PTAR1: variants seen among roughly 807,000 people sequenced by gnomAD.
PTAR1 encodes protein prenyltransferase alpha subunit repeat containing 1.
In PTAR1, 17 loss-of-function variants were observed where a neutral mutation model predicts 45.5. The ratio of observed to expected loss-of-function variants is 0.37; its 90% CI spans 0.26 to 0.56. The LOEUF is 0.56. Among genes scored for constraint, PTAR1 ranks in the 20% least tolerant of loss-of-function variants. The pLI is 0.77. For synonymous variants in PTAR1, 169 were observed against 171.3 expected, an observed-to-expected ratio of 0.99 and a Z score of 0.11; for missense variants, 391 against 476.3, an observed-to-expected ratio of 0.82 and a Z score of 1.67.
At chr9:69,750,701 G>A (rs2134163488) in intron 2 of PTAR1, 80 bp downstream of exon 2, 4 of 981,502 alleles carry the variant, frequency 4.1e-6, no homozygotes, top group Non-Finnish European at 5.8e-6. Context: ...CAGGAATGCT[G>A]ACACTCAGAG....
chr9:69,725,521 T>C (rs890902669), intron 5 of PTAR1, among the ~76,000 whole-genome samples: 14 of 151,444 alleles, frequency 9.2e-5, no homozygotes, highest in Non-Finnish European at 1.8e-4. Context: ...ACCTGGGAGG[T>C]ATAGGTTGCA....
At chr9:69,757,036 A>T (rs1266785538) in intron 1 of PTAR1, 1 of 152,254 alleles carries the variant, frequency 6.6e-6, no homozygotes, top group East Asian at 1.9e-4. Flanking sequence ...CCACCATTAC[A>T]GAAATTTCTG....
intron 3 of PTAR1, among the ~76,000 whole-genome samples, chr9:69,741,178 A>G (rs894217556): frequency 6.6e-6 from 1 of 152,176 alleles, no homozygotes; most frequent in Admixed American, 6.5e-5. Context: ...AAAACCATCT[A>G]TATGTTAGTA....
intron 5 of PTAR1, among the ~76,000 whole-genome samples, chr9:69,728,572 T>C (rs1017855376): frequency 6.6e-6 from 1 of 152,176 alleles, no homozygotes; most frequent in Non-Finnish European, 1.5e-5. Context: ...TCCCTAATAG[T>C]AAAGATGGTG....
intron 1 of PTAR1, among the ~76,000 whole-genome samples, chr9:69,754,122 A>ACTTCTGTGACTTCTGTGTCTCATCC (rs1826654546): frequency 6.6e-6 from 1 of 152,190 alleles, no homozygotes; most frequent in Non-Finnish European, 1.5e-5. Flanking sequence ...AGTGTGTTTG[A>ACTTCTGTGACTTCTGTGTCTCATCC]CTTCAGACTT....
At chr9:69,747,701 T>C (rs1490959835) in intron 2 of PTAR1, among the ~76,000 whole-genome samples, 2 of 152,146 alleles carry the variant, frequency 1.3e-5, no homozygotes, top group African/African-American at 4.8e-5. Flanking sequence ...TAGAAAGTTG[T>C]ATACTCAACC....
chr9:69,750,136 GAA>G (rs1403857342), intron 2 of PTAR1, among the ~76,000 whole-genome samples: 1 of 151,696 alleles, frequency 6.6e-6, no homozygotes, highest in African/African-American at 2.4e-5. Context: ...AGAACACCAA[GAA>G]AAGAGACCAG....
intron 3 of PTAR1, among the ~76,000 whole-genome samples, chr9:69,738,277 C>T (rs777705762): frequency 2.8e-4 from 43 of 152,326 alleles, no homozygotes; most frequent in South Asian, 4.1e-4. Context: ...CATGTGCTAT[C>T]AACATGACTT....
At chr9:69,738,180 T>C (rs1389249407) in intron 3 of PTAR1, among the ~76,000 whole-genome samples, 1 of 152,192 alleles carries the variant, frequency 6.6e-6, no homozygotes, top group Admixed American at 6.5e-5. Flanking sequence ...TTGTATAATG[T>C]TTTTCTCATC....
At position 69,717,157 on chromosome 9, in the gene PTAR1, C is replaced by T. The variant is rs1824759538; in HGVS notation, c.*1185G>A. 6.6e-6 allele frequency: 1 copy of T among 152,142 alleles called. No individual in the cohort carries two copies. Among genetic ancestry groups the T allele is most frequent in the Non-Finnish European group, 1.5e-5 (1 of 68,028 alleles). The allele number at this position is 152,142 out of a possible 1,614,324, so 9.4% of individuals were successfully genotyped here. A position where few individuals can be genotyped will look rare whatever the true frequency, so the allele number is the denominator to read the frequency against. ...GTGTTTTGTTTTGCACATACTATTC[C>T]TTCCCTTGGCATTTGCCAGTAAACT... On this transcript the variant is annotated 3_prime_UTR_variant, in exon 8 of 8. Coordinates refer to ENST00000340434, the MANE Select transcript of PTAR1 (RefSeq NM_001099666.2).
In PTAR1 at chr9:69,712,959, A is replaced by C. The variant is rs1417268976; in HGVS notation, c.*5383T>G. 1 of 152,076 alleles carries C rather than the reference A, an allele frequency of 6.6e-6. No individual in the cohort carries two copies. The highest frequency in any genetic ancestry group is 1.9e-4 in the East Asian group (1 of 5,198). The allele number at this position is 152,076 out of a possible 1,614,324, so 9.4% of individuals were successfully genotyped here. A position where few individuals can be genotyped will look rare whatever the true frequency, so the allele number is the denominator to read the frequency against. On this transcript the variant is annotated 3_prime_UTR_variant, in exon 8 of 8. Coordinates refer to ENST00000340434, the MANE Select transcript of PTAR1 (RefSeq NM_001099666.2). ...TTTATAAAAAATACGATCTATACTA[A>C]AATTTAAGAGCTAATAATATATTTA...
intron 5 of PTAR1, 151 bp downstream of exon 5, chr9:69,731,988 G>T (rs1473075964): frequency 3.3e-6 from 2 of 613,954 alleles, no homozygotes; most frequent in East Asian, 2.7e-5. Flanking sequence ...TTAATTACAG[G>T]GTTCCTCCAG....
intron 2 of PTAR1, among the ~76,000 whole-genome samples, chr9:69,746,760 G>A (rs1178775894): frequency 6.6e-6 from 1 of 152,172 alleles, no homozygotes; most frequent in African/African-American, 2.4e-5. Flanking sequence ...GCTATAACAA[G>A]GAGAAGATAA....
intron 4 of PTAR1, among the ~76,000 whole-genome samples, chr9:69,733,182 T>A (rs1203706449): frequency 6.6e-6 from 1 of 152,160 alleles, no homozygotes; most frequent in African/African-American, 2.4e-5. Context: ...GATGGATGCA[T>A]ATTTAACAGT....
At position 69,710,048 on chromosome 9, in the gene PTAR1, G is replaced by A. The variant is rs1383514266; in HGVS notation, c.*8294C>T. The A allele has an allele frequency of 6.6e-6, 1 of 152,110 alleles. No individual in the cohort carries two copies. The highest frequency in any genetic ancestry group is 6.6e-5 in the Admixed American group (1 of 15,260). The allele number at this position is 152,110 out of a possible 1,614,324, so 9.4% of individuals were successfully genotyped here. Reference sequence around the variant, plus strand: ...GGAAAACAAGTGGATAATTCTATTAGATGCTTTTCTAAATATTCTGAATTT... The same window carrying A: ...GGAAAACAAGTGGATAATTCTATTAAATGCTTTTCTAAATATTCTGAATTT... On this transcript the variant is annotated 3_prime_UTR_variant, in exon 8 of 8. Transcript: ENST00000340434.
At chr9:69,756,675 A>G (rs1050024717) in intron 1 of PTAR1, among the ~76,000 whole-genome samples, 1 of 152,094 alleles carries the variant, frequency 6.6e-6, no homozygotes, top group Non-Finnish European at 1.5e-5. Context: ...CCAGACTTTA[A>G]TACTTGGCTT....
At chr9:69,732,965 A>G (rs1203560121) in intron 4 of PTAR1, among the ~76,000 whole-genome samples, 2 of 152,194 alleles carry the variant, frequency 1.3e-5, no homozygotes, top group African/African-American at 4.8e-5. Flanking sequence ...ATTTACATAA[A>G]AAACACTAAA....
At chr9:69,753,068 TCAA>T (rs1826602543) in intron 1 of PTAR1, among the ~76,000 whole-genome samples, 1 of 151,974 alleles carries the variant, frequency 6.6e-6, no homozygotes, top group African/African-American at 2.4e-5. Flanking sequence ...ACTGCAAGAG[TCAA>T]CAATATAACT....
intron 3 of PTAR1, among the ~76,000 whole-genome samples, chr9:69,739,939 C>CATAAGA (rs1373045121): frequency 1.3e-5 from 2 of 152,072 alleles, no homozygotes; most frequent in Non-Finnish European, 2.9e-5. Flanking sequence ...GGAGCAACTT[C>CATAAGA]CCTTCATAAG....
Sources: allele counts gnomAD v4.1 joint callset (sites outside exome capture counted in the v4.1 genomes callset), GRCh38; gene constraint gnomAD v4.1.1; transcripts MANE v1.5; gene names NCBI Gene and HGNC (gene_info 2026-07-23, HGNC 2026-07-21).